SLC14A2: variants seen among roughly 807,000 people sequenced by gnomAD.
SLC14A2 encodes urea transporter 2.
Under a neutral mutation model 104.6 loss-of-function variants are expected in SLC14A2, and 91 were observed. The observed-to-expected ratio is 0.87, with a 90% CI of 0.73 to 1.04. SLC14A2 has a LOEUF of 1.04. Ranked by LOEUF, SLC14A2 falls within the 50% of genes least tolerant of loss-of-function variation. SLC14A2 has a pLI of 0.00. For synonymous variants in SLC14A2, 476 were observed against 466.4 expected (o/e 1.02, Z -0.27); for missense variants, 1,189 against 1,156.0 (o/e 1.03, Z -0.41).
the SLC14A2 span, among the ~76,000 whole-genome samples, chr18:45,168,301 C>T: frequency 5.3e-5 from 8 of 152,230 alleles, no homozygotes; most frequent in East Asian, 1.5e-3. Context: ...GGAAAGAAAA[C>T]AATATGATTT....
chr18:45,386,750 G>T (rs1280165607), intron 1 of SLC14A2, among the ~76,000 whole-genome samples: 1 of 152,226 alleles, frequency 6.6e-6, no homozygotes, highest in Non-Finnish European at 1.5e-5. Flanking sequence ...CCAACTGGCT[G>T]TGGGACCTCA....
chr18:45,282,825 C>T lies in SLC14A2; in HGVS notation c.-125+69634C>T, dbSNP rs116080925. On this transcript the variant is annotated intron_variant, in intron 1 of 20. Transcript: ENST00000586448. ...CTTCCCTACCTCCCTCCCTACCTCC[C>T]TCCCTTCCTTTCTTTTCTTCTCTTC... is the stretch of plus-strand genomic sequence containing the variant. 3.1e-3 allele frequency among the ~76,000 whole-genome samples: 457 copies of T among 147,362 alleles called. 3 individuals carry two copies. Among genetic ancestry groups the T allele is most frequent in the African/African-American group, 0.011 (415 of 39,474 alleles).
At chr18:45,500,854 G>A (rs1363522826) in intron 2 of SLC14A2, among the ~76,000 whole-genome samples, 2 of 152,180 alleles carry the variant, frequency 1.3e-5, no homozygotes, top group African/African-American at 4.8e-5. Context: ...GATTTTCACA[G>A]CACTATGAGA....
At chr18:45,618,669 CAAAAAAAA>C (rs60728655) in intron 1 of SLC14A2, among the ~76,000 whole-genome samples, 27 of 50,688 alleles carry the variant, frequency 5.3e-4, no homozygotes, top group South Asian at 1.6e-3. Context: ...AACTCTGTCT[CAAAAAAAA>C]AAAAAAAAAA....
chr18:45,409,462 A>G (rs1483574177), intron 1 of SLC14A2, among the ~76,000 whole-genome samples: 3 of 152,220 alleles, frequency 2.0e-5, no homozygotes, highest in East Asian at 1.9e-4. Flanking sequence ...AATATAAAGC[A>G]AGATATTTAT....
chr18:45,661,170 G>A (rs2045930472), intron 10 of SLC14A2, among the ~76,000 whole-genome samples: 1 of 152,194 alleles, frequency 6.6e-6, no homozygotes, highest in Admixed American at 6.5e-5. Context: ...AGCTCTGCCA[G>A]GGCAATCACC....
At chr18:45,232,310 C>T (rs1430301366) in intron 1 of SLC14A2, among the ~76,000 whole-genome samples, 2 of 152,048 alleles carry the variant, frequency 1.3e-5, no homozygotes, top group Non-Finnish European at 2.9e-5. Context: ...GGGAGAAGTG[C>T]CACACACTTT....
At chr18:45,298,450 G>T (rs1321124935) in intron 1 of SLC14A2, among the ~76,000 whole-genome samples, 1 of 152,196 alleles carries the variant, frequency 6.6e-6, no homozygotes, top group African/African-American at 2.4e-5. Context: ...CAAGAGGTAT[G>T]GTGTGAAGAC....
chr18:45,350,768 GA>G (rs200341313), intron 1 of SLC14A2, among the ~76,000 whole-genome samples: 1,554 of 137,976 alleles, frequency 0.011, 29 homozygotes, highest in East Asian at 0.076. Flanking sequence ...ATTTATCCAG[GA>G]AAAAAAAAAA....
chr18:45,415,102 A>T (rs764082602), intron 1 of SLC14A2, among the ~76,000 whole-genome samples: 3 of 152,064 alleles, frequency 2.0e-5, no homozygotes, highest in East Asian at 3.9e-4. Flanking sequence ...TTGTGTATAT[A>T]CTTGCTAACC....
chr18:45,267,061 G>A (rs954545951), intron 1 of SLC14A2, among the ~76,000 whole-genome samples: 2 of 152,124 alleles, frequency 1.3e-5, no homozygotes, highest in African/African-American at 4.8e-5. Context: ...TACTAGTAAT[G>A]CATTCTCCTC....
At chr18:45,543,421 A>G (rs957993530) in intron 2 of SLC14A2, among the ~76,000 whole-genome samples, 7 of 152,196 alleles carry the variant, frequency 4.6e-5, no homozygotes, top group African/African-American at 1.7e-4. Context: ...GTAGAGCATG[A>G]GACTCTTAAA....
chr18:45,417,255 C>T (rs1266778841), intron 1 of SLC14A2, among the ~76,000 whole-genome samples: 1 of 152,138 alleles, frequency 6.6e-6, no homozygotes, highest in African/African-American at 2.4e-5. Context: ...TTAACACTTC[C>T]CCTTTTTGGT....
the SLC14A2 span, chr18:45,169,284 GT>G: frequency 1.3e-5 from 2 of 152,222 alleles, no homozygotes; most frequent in African/African-American, 4.8e-5. Context: ...ATTTGACTAA[GT>G]GTGATCTGCT....
chr18:45,300,187 C>A (rs1473845987), intron 1 of SLC14A2, among the ~76,000 whole-genome samples: 1 of 152,174 alleles, frequency 6.6e-6, no homozygotes, highest in Non-Finnish European at 1.5e-5. Flanking sequence ...TCACAGTTAT[C>A]CTTCTGGTCA....
At chr18:45,394,621 C>T (rs775234706) in intron 1 of SLC14A2, among the ~76,000 whole-genome samples, 6 of 152,084 alleles carry the variant, frequency 3.9e-5, no homozygotes, top group Non-Finnish European at 8.8e-5. Flanking sequence ...AGTATATTTT[C>T]ATATACATGT....
At chr18:45,405,377 G>A (rs1015781911) in intron 1 of SLC14A2, among the ~76,000 whole-genome samples, 3 of 152,170 alleles carry the variant, frequency 2.0e-5, no homozygotes, top group South Asian at 4.1e-4. Context: ...AGGAGTCTCC[G>A]TGTGCTTAGT....
chr18:45,377,362 A>G (rs2085786583), intron 1 of SLC14A2, among the ~76,000 whole-genome samples: 1 of 152,010 alleles, frequency 6.6e-6, no homozygotes, highest in Non-Finnish European at 1.5e-5. Context: ...CTTTTTGTAT[A>G]ACATTGGCAT....
At chr18:45,419,292 C>T (rs2086313185) in intron 1 of SLC14A2, among the ~76,000 whole-genome samples, 1 of 152,202 alleles carries the variant, frequency 6.6e-6, no homozygotes, top group African/African-American at 2.4e-5. Context: ...CCCAAAGTTT[C>T]TCACAGGCCC....
Sources: allele counts gnomAD v4.1 joint callset (sites outside exome capture counted in the v4.1 genomes callset), GRCh38; gene constraint gnomAD v4.1.1; transcripts MANE v1.5; gene names NCBI Gene and HGNC (gene_info 2026-07-23, HGNC 2026-07-21).